ODAD2: variants seen among roughly 807,000 people sequenced by gnomAD.
ODAD2 encodes outer dynein arm-docking complex subunit 2.
Under a neutral mutation model 106.8 loss-of-function variants are expected in ODAD2, and 89 were observed. The ratio of observed to expected loss-of-function variants is 0.83; its 90% CI spans 0.70 to 0.99. The LOEUF (loss-of-function observed/expected upper bound fraction) is 0.99. ODAD2 is among the 50% of genes least tolerant of loss of function. The pLI, the probability that ODAD2 is intolerant of heterozygous loss-of-function variation, is 0.00. For synonymous variants in ODAD2, 404 were observed against 436.2 expected (o/e 0.93, Z 0.92); for missense variants, 1,168 against 1,238.5 (o/e 0.94, Z 0.85).
chr10:27,997,329 T>C (rs1260105586), intron 1 of ODAD2, among the ~76,000 whole-genome samples: 2 of 152,202 alleles, frequency 1.3e-5, no homozygotes, highest in South Asian at 4.1e-4. Flanking sequence ...TAAGTGCAAA[T>C]AGCTTTATCT....
At chr10:27,905,918 A>G (rs1437791052) in intron 17 of ODAD2, among the ~76,000 whole-genome samples, 1 of 152,246 alleles carries the variant, frequency 6.6e-6, no homozygotes, top group Non-Finnish European at 1.5e-5. Context: ...AAAACCCTGG[A>G]AGAAAACGTA....
At chr10:27,954,434 T>C (rs1348569766) in intron 10 of ODAD2, among the ~76,000 whole-genome samples, 1 of 152,236 alleles carries the variant, frequency 6.6e-6, no homozygotes, top group Non-Finnish European at 1.5e-5. Flanking sequence ...TAGATGGGTA[T>C]GTGTATCATA....
intron 19 of ODAD2, among the ~76,000 whole-genome samples, chr10:27,852,948 G>A (rs1241469043): frequency 3.5e-5 from 4 of 115,130 alleles, no homozygotes; most frequent in South Asian, 2.9e-4. Context: ...GTGACAGAAC[G>A]AGACACAGTC....
At chr10:27,885,561 T>C in intron 17 of ODAD2, among the ~76,000 whole-genome samples, 2 of 17,372 alleles carry the variant, frequency 1.2e-4, no homozygotes, top group East Asian at 1.6e-3. Context: ...TATATAAATA[T>C]AAATATATAT....
chr10:27,900,283 G>C (rs997141801), intron 17 of ODAD2, among the ~76,000 whole-genome samples: 5 of 152,066 alleles, frequency 3.3e-5, no homozygotes, highest in African/African-American at 1.2e-4. Flanking sequence ...TCAACAAAAA[G>C]GACGTCCACA....
chr10:27,936,872 T>C lies in ODAD2; in HGVS notation c.2106A>G (p.Glu702=). 1.9e-6 allele frequency: 3 copies of C among 1,603,250 alleles called. No individual in the cohort carries two copies. The highest frequency in any genetic ancestry group is 2.6e-6 in the Non-Finnish European group (3 of 1,176,002). ...HCAMAIYQCA[E]DKETRDLVRL... ...TAACGAGGTCCCGGGTTTCCTTATC[T>C]TCAGCACACTGCACGAAAAGTCAGA... Residue 702 remains glutamate (E), a synonymous_variant, in exon 15 of 20, where the codon GAA becomes GAG. Coordinates refer to ENST00000305242, the MANE Select transcript of ODAD2 (RefSeq NM_018076.5).
At chr10:27,855,177 T>C (rs902007488) in intron 19 of ODAD2, among the ~76,000 whole-genome samples, 1 of 152,170 alleles carries the variant, frequency 6.6e-6, no homozygotes, top group African/African-American at 2.4e-5. Context: ...AATTATTCCT[T>C]AAAGCTGTCA....
chr10:27,901,506 G>C (rs1843197807), intron 17 of ODAD2, among the ~76,000 whole-genome samples: 1 of 152,150 alleles, frequency 6.6e-6, no homozygotes. Context: ...CCAATTAAAA[G>C]ACATAGATTG....
rs1590039675 is a variant in ODAD2 at position 27,925,150 on chromosome 10, C to G, written c.2495+9860G>C. Among the ~76,000 whole-genome samples the G allele has an allele frequency of 3.3e-5, 5 of 152,008 alleles. No individual in the cohort carries two copies. The East Asian group carries it at 9.6e-4, about 29-fold the overall frequency. On this transcript the variant is annotated intron_variant, in intron 16 of 19. Coordinates refer to ENST00000305242, the MANE Select transcript of ODAD2 (RefSeq NM_018076.5). ...ATGCTAAATATTAGCTAACAGAGTC[C>G]TACCTCACATTAAGAAAAACAGTAC... is the stretch of plus-strand genomic sequence containing the variant.
At chr10:27,867,572 T>C (rs1456342159) in intron 17 of ODAD2, among the ~76,000 whole-genome samples, 1 of 152,078 alleles carries the variant, frequency 6.6e-6, no homozygotes, top group East Asian at 1.9e-4. Context: ...AAGATGACAA[T>C]GGAATCCTGG....
At chr10:27,868,622 G>A (rs1380806984) in intron 17 of ODAD2, among the ~76,000 whole-genome samples, 1 of 152,150 alleles carries the variant, frequency 6.6e-6, no homozygotes, top group Non-Finnish European at 1.5e-5. Context: ...ATAAGTGGGA[G>A]CTGAACAATG....
chr10:27,890,130 T>G (rs1318565020), intron 17 of ODAD2, among the ~76,000 whole-genome samples: 1 of 152,160 alleles, frequency 6.6e-6, no homozygotes, highest in Non-Finnish European at 1.5e-5. Flanking sequence ...GAACCGAAGA[T>G]AGCAAAAGGC....
intron 19 of ODAD2, among the ~76,000 whole-genome samples, chr10:27,821,935 C>G (rs1027478581): frequency 2.1e-4 from 32 of 152,190 alleles, no homozygotes; most frequent in Admixed American, 5.2e-4. Context: ...TTCATATATA[C>G]ACTGAAGGAA....
chr10:27,855,315 C>T (rs575435048), intron 19 of ODAD2, among the ~76,000 whole-genome samples: 4 of 152,180 alleles, frequency 2.6e-5, no homozygotes, highest in Non-Finnish European at 4.4e-5. Context: ...ACTTCTTTCT[C>T]ACTTTACAGG....
chr10:27,923,986 GAAAGAAAGAAAGAAAGAAAGAA>G (rs1219481273), intron 16 of ODAD2, among the ~76,000 whole-genome samples: 2 of 129,714 alleles, frequency 1.5e-5, no homozygotes, highest in African/African-American at 5.9e-5. Flanking sequence ...AAGAAAGAAA[GAAAGAAAGAAAGAAAGAAAGAA>G]AGAAAGAAAG....
chr10:27,972,413 A>T (rs924036621), intron 7 of ODAD2, among the ~76,000 whole-genome samples: 6 of 152,184 alleles, frequency 3.9e-5, no homozygotes, highest in African/African-American at 7.2e-5. Flanking sequence ...CAAGATAGTA[A>T]ATTTAAATTT....
Position 27,812,615 on chromosome 10 carries a change from T to C in ODAD2, c.3032A>G (p.Asp1011Gly). 2 of 1,601,108 alleles carry C rather than the reference T, an allele frequency of 1.2e-6. No homozygotes were observed. The highest frequency in any genetic ancestry group is 2.3e-5 in the South Asian group (2 of 88,258). The change falls in exon 20 of 20, where the codon GAT (aspartate) becomes GGT (glycine). Residue 1011 changes from aspartate (D) to glycine (G), a missense_variant. By Grantham distance (94) the Asp-to-Gly change is moderately conservative. Coordinates refer to ENST00000305242, the MANE Select transcript of ODAD2 (RefSeq NM_018076.5). ...HENGAVKLLL[D>G]MVGSPDQDLQ... ...ATCCTGGTCAGGGGACCCAACCATA[T>C]CCAGTAGAAGCTGTCACACATAAGG...
intron 17 of ODAD2, among the ~76,000 whole-genome samples, chr10:27,877,298 C>G (rs547501090): frequency 6.6e-6 from 1 of 152,108 alleles, no homozygotes; most frequent in South Asian, 2.1e-4. Context: ...TGGGGCCATA[C>G]TGGGAAAAAT....
chr10:27,892,878 G>A (rs976155720), intron 17 of ODAD2, among the ~76,000 whole-genome samples: 4 of 152,190 alleles, frequency 2.6e-5, no homozygotes, highest in African/African-American at 9.6e-5. Context: ...GCCGGGTGTG[G>A]TAACTCACGC....
Sources: allele counts gnomAD v4.1 joint callset (sites outside exome capture counted in the v4.1 genomes callset), GRCh38; gene constraint gnomAD v4.1.1; transcripts MANE v1.5; gene names NCBI Gene and HGNC (gene_info 2026-07-23, HGNC 2026-07-21).